GALNT2: variants seen among roughly 807,000 people sequenced by gnomAD.
The protein encoded by GALNT2 is UDP-GalNAc:polypeptide N-acetylgalactosaminyltransferase 2.
In GALNT2, 31 loss-of-function variants were observed where a neutral mutation model predicts 81.4. The ratio of observed to expected loss-of-function variants is 0.38; its 90% CI spans 0.29 to 0.51. The LOEUF (loss-of-function observed/expected upper bound fraction) is 0.51, where lower values mean the gene tolerates loss of function less well. Among genes scored for constraint, GALNT2 ranks in the 20% least tolerant of loss-of-function variants. The pLI is 0.87. For synonymous variants in GALNT2, 303 were observed against 287.4 expected, an observed-to-expected ratio of 1.05 and a Z score of -0.55; for missense variants, 629 against 765.7, an observed-to-expected ratio of 0.82 and a Z score of 2.11.
At chr1:230,118,130 A>G (rs1660902730) in intron 1 of GALNT2, among the ~76,000 whole-genome samples, 1 of 152,096 alleles carries the variant, frequency 6.6e-6, no homozygotes, top group African/African-American at 2.4e-5. Flanking sequence ...ACTTAGTCCT[A>G]TGTATTTAAG....
intron 1 of GALNT2, among the ~76,000 whole-genome samples, chr1:230,089,581 C>T (rs1291703332): frequency 6.6e-6 from 1 of 152,216 alleles, no homozygotes; most frequent in Non-Finnish European, 1.5e-5. Context: ...TTCTCCCTCC[C>T]TGCAGCCACT....
intron 2 of GALNT2, among the ~76,000 whole-genome samples, chr1:230,186,452 C>A: frequency 6.6e-6 from 1 of 152,204 alleles, no homozygotes; most frequent in South Asian, 2.1e-4. Context: ...GTAAACATTA[C>A]CCACACAATG....
At chr1:230,241,801 T>G (rs926490315) in intron 6 of GALNT2, among the ~76,000 whole-genome samples, 2 of 152,218 alleles carry the variant, frequency 1.3e-5, no homozygotes, top group African/African-American at 4.8e-5. Context: ...TATTCCTATG[T>G]GTGGTCTTTC....
In GALNT2 at chr1:230,203,175, G is replaced by A. The variant is rs1477223154; in HGVS notation, c.259G>A (p.Val87Ile). The A allele has an allele frequency of 1.9e-6, 3 of 1,614,060 alleles. No individual in the cohort carries two copies. In the South Asian group the frequency reaches 3.3e-5, roughly 18 times the overall value. ...GCCAGACTTTAACCAGGAAGCTTAT[G>A]TTGGAGGGACGATGGTCCGCTCCGG... ...RWPDFNQEAY[V>I]GGTMVRSGQD... is the part of the protein sequence containing the mutation. Residue 87 changes from valine (V) to isoleucine (I), a missense_variant, in exon 3 of 16, where the codon GTT becomes ATT. Physicochemically the swap from Val to Ile is conservative, Grantham distance 29. Transcript: ENST00000366672.
At chr1:230,230,045 A>C (rs1176594667) in intron 3 of GALNT2, among the ~76,000 whole-genome samples, 1 of 152,162 alleles carries the variant, frequency 6.6e-6, no homozygotes, top group Non-Finnish European at 1.5e-5. Flanking sequence ...AAGACTTGGC[A>C]AGCAGAGTGG....
intron 1 of GALNT2, among the ~76,000 whole-genome samples, chr1:230,160,717 A>G (rs1662405894): frequency 6.6e-6 from 1 of 152,170 alleles, no homozygotes; most frequent in South Asian, 2.1e-4. Flanking sequence ...CCATCTAAAA[A>G]AAAAAACACG....
chr1:230,097,089 C>A (rs2102773316), intron 1 of GALNT2, among the ~76,000 whole-genome samples: 1 of 152,272 alleles, frequency 6.6e-6, no homozygotes, highest in Non-Finnish European at 1.5e-5. Flanking sequence ...AATTCAGGCC[C>A]AGTATCATCG....
chr1:230,176,256 C>G (rs907159330), intron 1 of GALNT2, among the ~76,000 whole-genome samples: 21 of 152,046 alleles, frequency 1.4e-4, no homozygotes, highest in African/African-American at 5.1e-4. Flanking sequence ...GTGGGCAAAT[C>G]AATCTTATTT....
chr1:230,253,301 T>A (rs1665608237), intron 10 of GALNT2, among the ~76,000 whole-genome samples: 1 of 152,196 alleles, frequency 6.6e-6, no homozygotes, highest in Admixed American at 6.5e-5. Context: ...CCATTCCTAG[T>A]GAGTGAGGCA....
At position 230,178,471 on chromosome 1, in the gene GALNT2, C is replaced by T. The variant is rs373486548; in HGVS notation, c.220+160C>T. Among the ~76,000 whole-genome samples the T allele has an allele frequency of 1.1e-4, 16 of 152,148 alleles. No homozygotes were observed. In the East Asian group the frequency reaches 1.2e-3, roughly 11 times the overall value. The stretch of plus-strand genomic sequence containing the variant: ...CTGCTTTGCCAACTTCCATCGGACC[C>T]ATTAGTGGGTGGTCAAGTTAAAACT... On this transcript the variant is annotated intron_variant, in intron 2 of 15. Transcript: ENST00000366672.
chr1:230,158,764 C>G (rs1290313698), intron 1 of GALNT2, among the ~76,000 whole-genome samples: 1 of 152,246 alleles, frequency 6.6e-6, no homozygotes, highest in Admixed American at 6.5e-5. Context: ...GTTGCAACCC[C>G]CTACCCACCC....
At chr1:230,124,475 C>A (rs58480936) in intron 1 of GALNT2, among the ~76,000 whole-genome samples, 5 of 152,092 alleles carry the variant, frequency 3.3e-5, no homozygotes, top group African/African-American at 1.2e-4. Flanking sequence ...TTGAGTTCTC[C>A]CTAAATCTAC....
intron 15 of GALNT2, among the ~76,000 whole-genome samples, chr1:230,276,119 A>C (rs1278842879): frequency 6.6e-6 from 1 of 151,822 alleles, no homozygotes; most frequent in East Asian, 1.9e-4. Flanking sequence ...ATATATAGAC[A>C]CCACAGATAT....
intron 2 of GALNT2, among the ~76,000 whole-genome samples, chr1:230,183,154 T>C (rs533346793): frequency 5.3e-5 from 8 of 152,372 alleles, no homozygotes; most frequent in African/African-American, 1.4e-4. Context: ...ACTTTTAATC[T>C]ATGTGTGTTG....
At chr1:230,208,620 C>T (rs566925480) in intron 3 of GALNT2, among the ~76,000 whole-genome samples, 1 of 152,350 alleles carries the variant, frequency 6.6e-6, no homozygotes, top group South Asian at 2.1e-4. Context: ...AAGGCCTGAG[C>T]CCTGGACGAT....
intron 1 of GALNT2, among the ~76,000 whole-genome samples, chr1:230,125,304 G>A (rs1010883258): frequency 2.6e-5 from 4 of 152,244 alleles, no homozygotes; most frequent in African/African-American, 9.6e-5. Context: ...GGCCAGAGAA[G>A]GGAGGGGGCT....
intron 3 of GALNT2, 44 bp downstream of exon 3, chr1:230,203,334 A>G: frequency 6.2e-7 from 1 of 1,603,548 alleles, no homozygotes; most frequent in Non-Finnish European, 8.5e-7. Flanking sequence ...ATTTGCTTTC[A>G]CACAAACCAG....
chr1:230,158,878 T>A (rs1355548607), intron 1 of GALNT2, among the ~76,000 whole-genome samples: 8 of 152,148 alleles, frequency 5.3e-5, no homozygotes, highest in Admixed American at 2.0e-4. Flanking sequence ...AGGTCGTGAA[T>A]AGCTGGCAAC....
intron 3 of GALNT2, among the ~76,000 whole-genome samples, chr1:230,207,389 G>A (rs896640477): frequency 6.6e-6 from 1 of 152,056 alleles, no homozygotes; most frequent in Non-Finnish European, 1.5e-5. Flanking sequence ...AAGGAATAAG[G>A]CTTCAGAGCC....
Sources: gnomAD v4.1 joint callset for allele counts (sites outside exome capture counted in the v4.1 genomes callset) on GRCh38, gnomAD v4.1.1 for gene constraint, MANE v1.5 for transcripts, NCBI Gene and HGNC (gene_info 2026-07-23, HGNC 2026-07-21) for gene names.